PCDH15: variants seen among roughly 807,000 people sequenced by gnomAD.
PCDH15 encodes protocadherin related 15.
Under a neutral mutation model 178.5 loss-of-function variants are expected in PCDH15, and 129 were observed. The ratio of observed to expected loss-of-function variants is 0.72; its 90% CI spans 0.63 to 0.84. The LOEUF (loss-of-function observed/expected upper bound fraction) is 0.84. PCDH15 is among the 40% of genes least tolerant of loss of function. The pLI, the probability that PCDH15 is intolerant of heterozygous loss-of-function variation, is 0.00. For synonymous variants in PCDH15, 800 were observed against 732.0 expected (o/e 1.09, Z -1.50); for missense variants, 2,230 against 2,099.9 (o/e 1.06, Z -1.21).
intron 1 of PCDH15, among the ~76,000 whole-genome samples, chr10:55,210,428 A>G (rs796227382): frequency 3.3e-5 from 5 of 152,008 alleles, no homozygotes; most frequent in African/African-American, 1.2e-4. Context: ...ATAAGAGACC[A>G]CAACATTTAA....
chr10:54,220,685 C>T (rs1276584074), intron 9 of PCDH15, among the ~76,000 whole-genome samples: 1 of 151,918 alleles, frequency 6.6e-6, no homozygotes, highest in Admixed American at 6.6e-5. Context: ...ATTAGCCGGG[C>T]GTGGTGGCGG....
At chr10:55,170,524 G>T (rs1161413430) in intron 1 of PCDH15, among the ~76,000 whole-genome samples, 3 of 152,088 alleles carry the variant, frequency 2.0e-5, no homozygotes, top group African/African-American at 7.2e-5. Flanking sequence ...AGAGAAAAAT[G>T]TGCTAAGAAA....
intron 3 of PCDH15, among the ~76,000 whole-genome samples, chr10:54,888,734 C>A (rs7908874): frequency 0.86 from 123,893 of 143,992 alleles, 51,905 homozygotes; most frequent in African/African-American, 0.96. Context: ...GCACATTTTC[C>A]TGTTGTTGTT....
upstream of PCDH15, among the ~76,000 whole-genome samples, chr10:54,802,441 C>T (rs1591708889): frequency 6.6e-6 from 1 of 152,148 alleles, no homozygotes; most frequent in African/African-American, 2.4e-5. Flanking sequence ...CCCCTTGAGC[C>T]TCAAGTGGAA....
At chr10:54,650,435 A>C (rs1289774618) in intron 2 of PCDH15, among the ~76,000 whole-genome samples, 1 of 152,186 alleles carries the variant, frequency 6.6e-6, no homozygotes, top group Non-Finnish European at 1.5e-5. Context: ...ACTTGTGAAC[A>C]TTAAAGAATA....
intron 16 of PCDH15, among the ~76,000 whole-genome samples, chr10:54,088,840 A>G (rs2094554788): frequency 6.6e-6 from 1 of 152,170 alleles, no homozygotes; most frequent in African/African-American, 2.4e-5. Flanking sequence ...TCAATTGACC[A>G]TAAATACTAG....
chr10:54,122,280 C>T (rs1001664974), intron 15 of PCDH15, among the ~76,000 whole-genome samples: 2 of 151,970 alleles, frequency 1.3e-5, no homozygotes, highest in African/African-American at 2.4e-5. Flanking sequence ...ATGATCACCT[C>T]GAGAGACGCG....
chr10:53,925,607 C>T (rs1056374663), intron 25 of PCDH15, among the ~76,000 whole-genome samples: 3 of 152,228 alleles, frequency 2.0e-5, no homozygotes, highest in Non-Finnish European at 4.4e-5. Flanking sequence ...TAGCTCATCT[C>T]CTCTTAAAGA....
intron 2 of PCDH15, among the ~76,000 whole-genome samples, chr10:54,568,130 T>C (rs1451574594): frequency 1.3e-5 from 2 of 152,096 alleles, no homozygotes; most frequent in Non-Finnish European, 2.9e-5. Context: ...CTCTTTTTTT[T>C]CCCTGTCATA....
chr10:55,492,425 G>T (rs1221532800), intron 2 of PCDH15, among the ~76,000 whole-genome samples: 1 of 151,734 alleles, frequency 6.6e-6, no homozygotes, highest in Non-Finnish European at 1.5e-5. Context: ...GCATTTATTA[G>T]TCAAAGATTG....
chr10:55,320,323 C>G (rs905906670), upstream of PCDH15, among the ~76,000 whole-genome samples: 1 of 152,044 alleles, frequency 6.6e-6, no homozygotes, highest in South Asian at 2.1e-4. Flanking sequence ...TCCCTCAGCA[C>G]CCCCTCCAAC....
intron 1 of PCDH15, among the ~76,000 whole-genome samples, chr10:54,676,187 T>A (rs1475035076): frequency 6.6e-6 from 1 of 151,976 alleles, no homozygotes; most frequent in Non-Finnish European, 1.5e-5. Context: ...ATAAAATATA[T>A]GCTTATAAAA....
intron 2 of PCDH15, among the ~76,000 whole-genome samples, chr10:55,390,825 C>T (rs773388511): frequency 7.2e-5 from 11 of 152,112 alleles, no homozygotes; most frequent in Non-Finnish European, 1.6e-4. Flanking sequence ...TTTCAAAAGT[C>T]GGTCTCAACC....
intron 2 of PCDH15, among the ~76,000 whole-genome samples, chr10:54,587,174 A>G (rs1483639342): frequency 6.6e-6 from 1 of 152,204 alleles, no homozygotes; most frequent in African/African-American, 2.4e-5. Context: ...AATGTCTGTC[A>G]GTGATTGATC....
chr10:54,072,285 AG>A (rs766336866), intron 17 of PCDH15, among the ~76,000 whole-genome samples: 3 of 152,176 alleles, frequency 2.0e-5, no homozygotes, highest in Non-Finnish European at 2.9e-5. Flanking sequence ...TAGTATTTAG[AG>A]AATATTAATT....
intron 11 of PCDH15, 75 bp from the exon 12 acceptor site, chr10:54,185,343 G>T: frequency 1.9e-6 from 3 of 1,550,042 alleles, no homozygotes; most frequent in Non-Finnish European, 2.7e-6. Flanking sequence ...AGAAGTTAAT[G>T]TTTGAAATTT....
chr10:55,176,981 T>C (rs1839508584), intron 1 of PCDH15, among the ~76,000 whole-genome samples: 1 of 152,118 alleles, frequency 6.6e-6, no homozygotes, highest in Non-Finnish European at 1.5e-5. Context: ...ACATTCTCCA[T>C]TGTGCCCCAA....
At chr10:54,928,346 C>T (rs1312065832) in intron 2 of PCDH15, among the ~76,000 whole-genome samples, 3 of 152,026 alleles carry the variant, frequency 2.0e-5, no homozygotes, top group African/African-American at 4.8e-5. Context: ...GTGACCTGAC[C>T]TTTCTCTCTA....
At chr10:53,905,848 A>G (rs1239726609) in intron 25 of PCDH15, among the ~76,000 whole-genome samples, 1 of 151,954 alleles carries the variant, frequency 6.6e-6, no homozygotes, top group East Asian at 1.9e-4. Context: ...AGAGATGATT[A>G]TACTTAATTA....
Sources: allele counts gnomAD v4.1 joint callset (sites outside exome capture counted in the v4.1 genomes callset), GRCh38; gene constraint gnomAD v4.1.1; transcripts MANE v1.5; gene names NCBI Gene and HGNC (gene_info 2026-07-23, HGNC 2026-07-21).